The following SORCS3 variants were observed in gnomAD, a reference collection of about 807,000 sequenced individuals.
The protein encoded by SORCS3 is sortilin related VPS10 domain containing receptor 3, also known as VPS10 domain-containing receptor SorCS3.
A neutral mutation model predicts 146.3 loss-of-function variants in SORCS3; 57 were observed. That is an observed-to-expected ratio of 0.39 (90% confidence interval 0.31 to 0.49). The LOEUF (loss-of-function observed/expected upper bound fraction) is 0.49, where lower values mean the gene tolerates loss of function less well. Among genes scored for constraint, SORCS3 ranks in the 20% least tolerant of loss-of-function variants. SORCS3 has a pLI of 0.92. For synonymous variants in SORCS3, 653 were observed against 618.5 expected (o/e 1.06, Z -0.83); for missense variants, 1,341 against 1,575.5 (o/e 0.85, Z 2.52).
intron 1 of SORCS3, among the ~76,000 whole-genome samples, chr10:104,709,366 G>A (rs1229474547): frequency 6.6e-6 from 1 of 152,202 alleles, no homozygotes; most frequent in African/African-American, 2.4e-5. Flanking sequence ...AGCTCCAGAA[G>A]AAGTTGAAGT....
chr10:104,885,318 T>C (rs1035559856), intron 2 of SORCS3, among the ~76,000 whole-genome samples: 4 of 152,298 alleles, frequency 2.6e-5, no homozygotes, highest in South Asian at 2.1e-4. Context: ...ACAGCAGATT[T>C]TAGTTTGTGC....
intron 20 of SORCS3, among the ~76,000 whole-genome samples, chr10:105,236,500 A>G (rs927894887): frequency 6.6e-6 from 1 of 152,176 alleles, no homozygotes; most frequent in Admixed American, 6.5e-5. Flanking sequence ...CTGTCAAGTC[A>G]GAGAATTCTT....
chr10:104,890,511 A>G (rs984563422), intron 2 of SORCS3, among the ~76,000 whole-genome samples: 1 of 152,166 alleles, frequency 6.6e-6, no homozygotes, highest in African/African-American at 2.4e-5. Flanking sequence ...CTCATTCATT[A>G]TAATTTTCAT....
intron 2 of SORCS3, among the ~76,000 whole-genome samples, chr10:104,847,558 G>A (rs558790119): frequency 6.6e-6 from 1 of 152,264 alleles, no homozygotes; most frequent in Non-Finnish European, 1.5e-5. Context: ...GGTCACCACA[G>A]GTATGCAGTC....
chr10:104,722,550 A>C (rs537372074), intron 1 of SORCS3, among the ~76,000 whole-genome samples: 70 of 152,312 alleles, frequency 4.6e-4, no homozygotes, highest in Admixed American at 2.4e-3. Context: ...TTCAGAAGGA[A>C]TGGTACCAGC....
At chr10:105,147,538 T>C (rs1272620732) in intron 8 of SORCS3, 79 bp from the exon 9 acceptor site, 1 of 1,272,482 alleles carries the variant, frequency 7.9e-7, no homozygotes, top group Non-Finnish European at 1.1e-6. Context: ...ATTTCATAAG[T>C]CATAGTAATT....
intron 16 of SORCS3, among the ~76,000 whole-genome samples, chr10:105,202,398 G>T (rs2056579470): frequency 6.6e-6 from 1 of 152,072 alleles, no homozygotes; most frequent in Admixed American, 6.6e-5. Context: ...AGAGGGAGCA[G>T]AAAATGCAAG....
chr10:104,815,083 G>A (rs1016679774), intron 1 of SORCS3, among the ~76,000 whole-genome samples: 1 of 152,132 alleles, frequency 6.6e-6, no homozygotes, highest in African/African-American at 2.4e-5. Context: ...CTGATGGAAG[G>A]AGGACACCTG....
At chr10:104,836,104 A>G (rs533626576) in intron 1 of SORCS3, among the ~76,000 whole-genome samples, 280 of 152,302 alleles carry the variant, frequency 1.8e-3, no homozygotes, top group Middle Eastern at 0.01. Context: ...GCTGGATCCA[A>G]TTGGGCAAGT....
At chr10:105,195,310 T>TATC (rs931367331) in intron 14 of SORCS3, among the ~76,000 whole-genome samples, 26 of 152,240 alleles carry the variant, frequency 1.7e-4, no homozygotes, top group Admixed American at 6.5e-4. Flanking sequence ...AAATTATTAT[T>TATC]ATCAATTAGA....
intron 9 of SORCS3, among the ~76,000 whole-genome samples, 165 bp downstream of exon 9, chr10:105,147,961 T>C (rs993171835): frequency 1.2e-4 from 18 of 151,966 alleles, no homozygotes; most frequent in African/African-American, 4.1e-4. Flanking sequence ...TCTAGTAAAA[T>C]AGAGATAAAA....
chr10:105,257,596 A>G (rs186188376), intron 25 of SORCS3, among the ~76,000 whole-genome samples: 105 of 152,380 alleles, frequency 6.9e-4, no homozygotes, highest in Non-Finnish European at 8.7e-4. Context: ...ACTAGGATGT[A>G]TACTAATTAA....
chr10:104,649,220 T>C (rs1186229427), intron 1 of SORCS3, among the ~76,000 whole-genome samples: 4 of 151,676 alleles, frequency 2.6e-5, no homozygotes, highest in Non-Finnish European at 5.9e-5. Flanking sequence ...ATAAGATCAA[T>C]GGATTTTGCA....
intron 20 of SORCS3, among the ~76,000 whole-genome samples, chr10:105,237,634 G>A (rs1336809225): frequency 6.6e-6 from 1 of 152,140 alleles, no homozygotes; most frequent in Admixed American, 6.5e-5. Context: ...ATATTTGGCT[G>A]GCAAATGAAT....
chr10:104,880,268 A>G (rs2018617833), intron 2 of SORCS3, among the ~76,000 whole-genome samples: 1 of 152,210 alleles, frequency 6.6e-6, no homozygotes, highest in Non-Finnish European at 1.5e-5. Context: ...CATTGTTACC[A>G]TCTTTTTAAA....
intron 2 of SORCS3, among the ~76,000 whole-genome samples, chr10:104,894,593 C>G (rs2018780773): frequency 6.6e-6 from 1 of 152,088 alleles, no homozygotes; most frequent in Middle Eastern, 3.2e-3. Context: ...GGCAGCTGAT[C>G]ATGTTGAATT....
intron 1 of SORCS3, among the ~76,000 whole-genome samples, chr10:104,752,318 G>A (rs1009748007): frequency 6.6e-6 from 1 of 152,202 alleles, no homozygotes; most frequent in Non-Finnish European, 1.5e-5. Flanking sequence ...TTACAGGCAT[G>A]AGCCACCGCA....
At chr10:104,748,761 G>A (rs1308726313) in intron 1 of SORCS3, among the ~76,000 whole-genome samples, 1 of 152,242 alleles carries the variant, frequency 6.6e-6, no homozygotes, top group African/African-American at 2.4e-5. Flanking sequence ...GCTGAGGCAG[G>A]GGAATTGCTT....
chr10:105,171,962 A>G (rs1309641825), intron 13 of SORCS3, among the ~76,000 whole-genome samples: 2 of 152,198 alleles, frequency 1.3e-5, no homozygotes, highest in Non-Finnish European at 2.9e-5. Context: ...ACCTCACTTT[A>G]CCAGAATATC....
Sources: gnomAD v4.1 joint callset for allele counts (sites outside exome capture counted in the v4.1 genomes callset) on GRCh38, gnomAD v4.1.1 for gene constraint, MANE v1.5 for transcripts, NCBI Gene and HGNC (gene_info 2026-07-23, HGNC 2026-07-21) for gene names.